GPC4: variants seen among roughly 807,000 people sequenced by gnomAD.
GPC4 encodes the protein glypican 4.
A neutral mutation model predicts 35.0 loss-of-function variants in GPC4; 10 were observed. That is an observed-to-expected ratio of 0.29 (90% CI 0.18 to 0.48). The LOEUF is 0.48. Among genes scored for constraint, GPC4 ranks in the 20% least tolerant of loss-of-function variants. The pLI, the probability that GPC4 is intolerant of heterozygous loss-of-function variation, is 0.99. For synonymous variants in GPC4, 167 were observed against 170.2 expected (o/e 0.98, Z 0.15); for missense variants, 322 against 451.3 (o/e 0.71, Z 2.60).
chrX:133,359,800 G>A (rs2068558764), intron 1 of GPC4, among the ~76,000 whole-genome samples: 1 of 111,580 alleles, frequency 9.0e-6, no homozygotes, highest in African/African-American at 3.3e-5. Flanking sequence ...CCACCAGCCA[G>A]TTTTGAAGTA....
intron 2 of GPC4, among the ~76,000 whole-genome samples, chrX:133,337,983 T>TG (rs762678809): frequency 6.4e-5 from 7 of 108,572 alleles, no homozygotes; most frequent in Non-Finnish European, 1.3e-4. Context: ...TTTGAAAAAA[T>TG]GGGTAGGATC....
intron 1 of GPC4, among the ~76,000 whole-genome samples, chrX:133,404,164 G>T (rs982797798): frequency 9.0e-6 from 1 of 111,644 alleles, no homozygotes; most frequent in East Asian, 2.8e-4. Flanking sequence ...TTGACTTCAG[G>T]TCAAAACTCA....
At chrX:133,396,121 A>C (rs1378333449) in intron 1 of GPC4, among the ~76,000 whole-genome samples, 1 of 111,951 alleles carries the variant, frequency 8.9e-6, no homozygotes. Context: ...ATTTCAAAAG[A>C]AAATGACTAT....
chrX:133,361,040 T>C (rs992883433), intron 1 of GPC4, among the ~76,000 whole-genome samples: 1 of 112,167 alleles, frequency 8.9e-6, no homozygotes, highest in Admixed American at 9.5e-5. Flanking sequence ...CTCTTACTCA[T>C]AACATTTTCT....
intron 1 of GPC4, among the ~76,000 whole-genome samples, chrX:133,414,048 T>G (rs2124190827): frequency 9.0e-6 from 1 of 111,233 alleles, no homozygotes; most frequent in South Asian, 3.9e-4. Flanking sequence ...GAAAGTGCAA[T>G]TAACCCTTAA....
intron 2 of GPC4, among the ~76,000 whole-genome samples, chrX:133,327,013 T>C (rs2068397002): frequency 8.9e-6 from 1 of 112,796 alleles, no homozygotes; most frequent in Non-Finnish European, 1.9e-5. Flanking sequence ...CACATAGCTA[T>C]CACATATTGG....
chrX:133,382,528 A>T (rs1404117288), intron 1 of GPC4, among the ~76,000 whole-genome samples: 3 of 108,062 alleles, frequency 2.8e-5, no homozygotes, highest in African/African-American at 1.0e-4. Context: ...GGAGATCAAG[A>T]CCATCCTGGC....
At chrX:133,323,530 T>G (rs1182021588) in intron 3 of GPC4, among the ~76,000 whole-genome samples, 1 of 112,294 alleles carries the variant, frequency 8.9e-6, no homozygotes. Flanking sequence ...TTCGCTGAAT[T>G]TCCCAATGAG....
intron 1 of GPC4, among the ~76,000 whole-genome samples, chrX:133,396,090 T>C (rs2068741517): frequency 8.9e-6 from 1 of 111,896 alleles, no homozygotes; most frequent in Admixed American, 9.6e-5. Flanking sequence ...TATTCTTTCT[T>C]AATGATCAAA....
intron 1 of GPC4, among the ~76,000 whole-genome samples, chrX:133,413,181 G>T (rs2068820123): frequency 9.0e-6 from 1 of 111,513 alleles, no homozygotes; most frequent in African/African-American, 3.3e-5. Context: ...GGGCTTTTCA[G>T]GGCTCTACAA....
At chrX:133,326,239 T>C (rs1419794163) in intron 2 of GPC4, among the ~76,000 whole-genome samples, 2 of 111,371 alleles carry the variant, frequency 1.8e-5, no homozygotes, top group East Asian at 2.8e-4. Context: ...GGGCAGAAAC[T>C]GCACAAAGAG....
At chrX:133,312,089 T>C (rs1490891296) in intron 3 of GPC4, among the ~76,000 whole-genome samples, 1 of 111,116 alleles carries the variant, frequency 9.0e-6, no homozygotes, top group Admixed American at 9.6e-5. Context: ...GCACAGAGTG[T>C]TCACAGAACA....
chrX:133,391,550 CTTAATTA>C (rs2068719706), intron 1 of GPC4, among the ~76,000 whole-genome samples: 1 of 112,135 alleles, frequency 8.9e-6, no homozygotes, highest in African/African-American at 3.2e-5. Context: ...ACATATTGTT[CTTAATTA>C]TTAACAGGCT....
Position 133,300,493 on chromosome X carries a change from A to T in GPC4, c.*2374T>A, listed in dbSNP as rs2068263419. On this transcript the variant is annotated 3_prime_UTR_variant, in exon 9 of 9. Coordinates refer to ENST00000370828, the MANE Select transcript of GPC4 (RefSeq NM_001448.3). ...AACTTGCCTTTCTTCTTTTTTGGGG[A>T]GTGGGGGTGAGCTTGCCAGCTGCTT... The T allele has an allele frequency of 1.8e-5, 2 of 111,178 alleles. No individual in the cohort carries two copies. Among genetic ancestry groups the T allele is most frequent in the East Asian group, 2.8e-4 (1 of 3,558 alleles). The allele number at this position is 111,178 out of a possible 1,213,427, so 9.2% of individuals were successfully genotyped here.
At chrX:133,406,855 A>T (rs2068790360) in intron 1 of GPC4, among the ~76,000 whole-genome samples, 2 of 107,373 alleles carry the variant, frequency 1.9e-5, no homozygotes, top group Admixed American at 1.0e-4. Flanking sequence ...TGGGTGGATC[A>T]CTTGAGGCCA....
chrX:133,357,707 C>A (rs1231062495), intron 1 of GPC4, among the ~76,000 whole-genome samples: 1 of 111,184 alleles, frequency 9.0e-6, no homozygotes, highest in Non-Finnish European at 1.9e-5. Flanking sequence ...ACCAACTGTG[C>A]AATTTTGAGC....
chrX:133,392,868 TTGGA>T (rs2068725820), intron 1 of GPC4, among the ~76,000 whole-genome samples: 1 of 110,123 alleles, frequency 9.1e-6, no homozygotes, highest in Non-Finnish European at 1.9e-5. Flanking sequence ...AAAGAAGCCG[TTGGA>T]TGATTTCTTT....
At chrX:133,396,693 A>G (rs1176577092) in intron 1 of GPC4, among the ~76,000 whole-genome samples, 1 of 112,098 alleles carries the variant, frequency 8.9e-6, no homozygotes, top group African/African-American at 3.2e-5. Context: ...AATGTCTTCT[A>G]TAAATTTGAC....
At chrX:133,305,186 G>A (rs1185775182) in intron 6 of GPC4, among the ~76,000 whole-genome samples, 1 of 111,610 alleles carries the variant, frequency 9.0e-6, no homozygotes, top group African/African-American at 3.3e-5. Context: ...TTTAGAGTCA[G>A]GATCAAGCAT....
Sources: gnomAD v4.1 joint callset for allele counts (sites outside exome capture counted in the v4.1 genomes callset) on GRCh38, gnomAD v4.1.1 for gene constraint, MANE v1.5 for transcripts, NCBI Gene and HGNC (gene_info 2026-07-23, HGNC 2026-07-21) for gene names.